Variants in NRG3 observed in about 807,000 individuals in gnomAD.
NRG3 encodes pro-neuregulin-3, membrane-bound isoform.
NRG3 carries 31 observed loss-of-function variants against 66.9 expected under a neutral mutation model. The ratio of observed to expected loss-of-function variants is 0.46; its 90% CI spans 0.35 to 0.63. NRG3 has a LOEUF of 0.63. Among genes scored for constraint, NRG3 ranks in the 20% least tolerant of loss-of-function variants. The probability of loss-of-function intolerance (pLI) is 0.00; values close to 1 mark genes in which losing one functional copy is unlikely to be tolerated. For missense variants in NRG3, 910 were observed against 878.9 expected (o/e 1.04, Z -0.45); for synonymous variants, 393 against 359.4 (o/e 1.09, Z -1.06).
chr10:82,356,317 C>T lies in NRG3; in HGVS notation c.824-2422C>T, dbSNP rs554615896. 5.3e-5 allele frequency among the ~76,000 whole-genome samples: 8 copies of T among 152,168 alleles called. No homozygotes were observed. In the South Asian group the frequency reaches 1.5e-3, roughly 28 times the overall value. On this transcript the variant is annotated intron_variant, in intron 1 of 8. Coordinates refer to ENST00000372141, the MANE Select transcript of NRG3 (RefSeq NM_001010848.4). Reference sequence around the variant, plus strand: ...GTAGATTATGTTAATGAAAGCTGTTCTTAGAAGCATGATCAGTGAATATCA... The same window carrying T: ...GTAGATTATGTTAATGAAAGCTGTTTTTAGAAGCATGATCAGTGAATATCA...
chr10:81,928,231 C>T (rs1173006245), intron 1 of NRG3, among the ~76,000 whole-genome samples: 1 of 152,158 alleles, frequency 6.6e-6, no homozygotes, highest in African/African-American at 2.4e-5. Context: ...CATTCTAGAG[C>T]ATTTGTCCTT....
At chr10:82,637,438 G>A (rs943573555) in intron 2 of NRG3, among the ~76,000 whole-genome samples, 3 of 152,178 alleles carry the variant, frequency 2.0e-5, no homozygotes, top group Admixed American at 2.0e-4. Flanking sequence ...ATTACAACAG[G>A]AAACAGTGAA....
intron 1 of NRG3, among the ~76,000 whole-genome samples, chr10:82,247,931 A>G (rs71485104): frequency 6.6e-6 from 1 of 152,192 alleles, no homozygotes; most frequent in Non-Finnish European, 1.5e-5. Context: ...ACTAGCAATA[A>G]CAATAATAAT....
chr10:82,238,071 CTTAAAG>C (rs1241619067), intron 1 of NRG3, among the ~76,000 whole-genome samples: 1 of 152,072 alleles, frequency 6.6e-6, no homozygotes, highest in Non-Finnish European at 1.5e-5. Flanking sequence ...TGGTAGTAAT[CTTAAAG>C]TTAATACTCT....
At chr10:82,829,910 C>T (rs1015444048) in intron 3 of NRG3, among the ~76,000 whole-genome samples, 1 of 152,072 alleles carries the variant, frequency 6.6e-6, no homozygotes, top group African/African-American at 2.4e-5. Flanking sequence ...CACTGAGTCC[C>T]CGTCAATGAG....
intron 2 of NRG3, among the ~76,000 whole-genome samples, chr10:82,375,993 G>A (rs2085205471): frequency 6.6e-6 from 1 of 152,120 alleles, no homozygotes; most frequent in South Asian, 2.1e-4. Context: ...TGACTGTCAG[G>A]GGAAAGACGG....
chr10:82,231,487 A>T (rs1320709519), intron 1 of NRG3, among the ~76,000 whole-genome samples: 2 of 150,158 alleles, frequency 1.3e-5, no homozygotes, highest in East Asian at 1.9e-4. Context: ...TTGAAAAAAA[A>T]AACCTAGTAT....
chr10:82,500,694 G>C (rs1056733645), intron 2 of NRG3, among the ~76,000 whole-genome samples: 2 of 152,148 alleles, frequency 1.3e-5, no homozygotes, highest in Admixed American at 1.3e-4. Context: ...ATGCTGCTTT[G>C]GGTAGGAATC....
At chr10:81,908,045 A>G (rs1844760125) in intron 1 of NRG3, among the ~76,000 whole-genome samples, 1 of 152,210 alleles carries the variant, frequency 6.6e-6, no homozygotes, top group Admixed American at 6.5e-5. Flanking sequence ...TGCATGATGT[A>G]ATCTTCAACA....
At chr10:82,752,441 C>T (rs2058905326) in intron 3 of NRG3, among the ~76,000 whole-genome samples, 1 of 152,072 alleles carries the variant, frequency 6.6e-6, no homozygotes, top group South Asian at 2.1e-4. Flanking sequence ...TAAATAACAG[C>T]TCGTAATACA....
intron 1 of NRG3, among the ~76,000 whole-genome samples, chr10:81,984,162 C>G (rs1258612910): frequency 2.0e-5 from 3 of 152,116 alleles, no homozygotes; most frequent in Admixed American, 6.5e-5. Flanking sequence ...GACATTAACT[C>G]AGAGAGACCA....
chr10:82,734,543 C>G (rs1277041781), intron 2 of NRG3, among the ~76,000 whole-genome samples: 1 of 152,022 alleles, frequency 6.6e-6, no homozygotes, highest in Non-Finnish European at 1.5e-5. Context: ...ACTCCTGCCC[C>G]CTCCCCATTC....
intron 2 of NRG3, among the ~76,000 whole-genome samples, chr10:82,482,991 G>A (rs750277187): frequency 3.7e-4 from 56 of 152,238 alleles, no homozygotes; most frequent in Admixed American, 6.5e-4. Context: ...CTACAATCTT[G>A]CAAGGATGCA....
intron 3 of NRG3, among the ~76,000 whole-genome samples, chr10:82,855,211 A>G (rs948427535): frequency 2.6e-5 from 4 of 152,196 alleles, no homozygotes; most frequent in African/African-American, 9.7e-5. Flanking sequence ...AGAAGTGTGA[A>G]TAAAAGCATG....
chr10:82,687,891 G>A (rs1335683389), intron 2 of NRG3, among the ~76,000 whole-genome samples: 1 of 152,090 alleles, frequency 6.6e-6, no homozygotes, highest in African/African-American at 2.4e-5. Flanking sequence ...AGTGCCTTCA[G>A]CTAAATTTCA....
rs368003253 is a variant in NRG3, at chr10:82,256,253, A to C, written c.824-102486A>C. ...TGAAACTTTTCTAAACATGAAATCT[A>C]CTTTAAAAATACTGTGCATCATCAT... On this transcript the variant is annotated intron_variant, in intron 1 of 8. Transcript: ENST00000372141. Among the ~76,000 whole-genome samples the C allele has an allele frequency of 1.5e-4, 23 of 152,290 alleles. No homozygotes were observed. In the East Asian group the frequency reaches 4.2e-3, roughly 28 times the overall value.
chr10:82,380,503 G>GA (rs1193853748), intron 2 of NRG3, among the ~76,000 whole-genome samples: 1 of 152,074 alleles, frequency 6.6e-6, no homozygotes, highest in Non-Finnish European at 1.5e-5. Context: ...CAATCCAGTA[G>GA]AAATACCCAT....
intron 2 of NRG3, among the ~76,000 whole-genome samples, chr10:82,597,427 T>C (rs1444386792): frequency 6.6e-6 from 1 of 152,216 alleles, no homozygotes; most frequent in East Asian, 1.9e-4. Context: ...AGATTAGCTT[T>C]TTATCCATAC....
At chr10:82,970,040 A>C (rs992224443) in intron 6 of NRG3, among the ~76,000 whole-genome samples, 1 of 151,572 alleles carries the variant, frequency 6.6e-6, no homozygotes. Context: ...GGACATTTCT[A>C]TTGTTTTGAG....
Sources: gnomAD v4.1 joint callset for allele counts (sites outside exome capture counted in the v4.1 genomes callset) on GRCh38, gnomAD v4.1.1 for gene constraint, MANE v1.5 for transcripts, NCBI Gene and HGNC (gene_info 2026-07-23, HGNC 2026-07-21) for gene names.